The following SEMA6A variants were observed in gnomAD, a reference collection of about 807,000 sequenced individuals.
The protein encoded by SEMA6A is semaphorin-6A.
In SEMA6A, 25 loss-of-function variants were observed where a neutral mutation model predicts 96.8. That is an observed-to-expected ratio of 0.26 (90% CI 0.19 to 0.36). SEMA6A has a LOEUF of 0.36. SEMA6A is among the 10% of genes least tolerant of loss of function. SEMA6A has a pLI of 1.00. For synonymous variants in SEMA6A, 612 were observed against 518.0 expected (o/e 1.18, Z -2.46); for missense variants, 1,363 against 1,323.1 (o/e 1.03, Z -0.47).
chr5:116,515,888 A>T (rs1191580983), intron 1 of SEMA6A, among the ~76,000 whole-genome samples: 1 of 152,214 alleles, frequency 6.6e-6, no homozygotes, highest in Non-Finnish European at 1.5e-5. Context: ...GCTCTGAATA[A>T]CAGCCCCAAA....
chr5:116,520,196 G>T (rs1758867462), intron 1 of SEMA6A, among the ~76,000 whole-genome samples: 1 of 150,480 alleles, frequency 6.6e-6, no homozygotes, highest in Admixed American at 6.6e-5. Context: ...TTTCTTCCAA[G>T]ATCATAAAAT....
chr5:116,529,456 C>G (rs1759368527), intron 1 of SEMA6A, among the ~76,000 whole-genome samples: 2 of 152,224 alleles, frequency 1.3e-5, no homozygotes, highest in Non-Finnish European at 2.9e-5. Context: ...ATGCTAATTA[C>G]CCTGATTTGA....
At chr5:116,460,001 A>G (rs1227729642) in intron 18 of SEMA6A, among the ~76,000 whole-genome samples, 2 of 152,044 alleles carry the variant, frequency 1.3e-5, no homozygotes, top group Non-Finnish European at 2.9e-5. Context: ...TTAAACTATT[A>G]TTTTTTAGTG....
chr5:116,475,444 G>A, intron 16 of SEMA6A, 101 bp downstream of exon 16: 1 of 709,938 alleles, frequency 1.4e-6, no homozygotes, highest in East Asian at 2.9e-5. Flanking sequence ...GCATGCTTTA[G>A]TGTCAGCTGC....
chr5:116,484,928 C>A (rs1228949046), intron 10 of SEMA6A, among the ~76,000 whole-genome samples: 1 of 152,146 alleles, frequency 6.6e-6, no homozygotes, highest in Non-Finnish European at 1.5e-5. Context: ...TGGGGCCAGA[C>A]CCTGTGGGGG....
chr5:116,545,356 G>A (rs1199942936), intron 1 of SEMA6A, among the ~76,000 whole-genome samples: 1 of 152,026 alleles, frequency 6.6e-6, no homozygotes, highest in Non-Finnish European at 1.5e-5. Flanking sequence ...GATCACCTGA[G>A]GTCAGGAGTT....
At chr5:116,543,860 C>T (rs544843676) in intron 1 of SEMA6A, among the ~76,000 whole-genome samples, 4 of 152,342 alleles carry the variant, frequency 2.6e-5, no homozygotes, top group African/African-American at 4.8e-5. Flanking sequence ...AAAACTAGCA[C>T]GTTTTACTTT....
intron 1 of SEMA6A, among the ~76,000 whole-genome samples, chr5:116,523,426 G>T (rs888319428): frequency 1.3e-5 from 2 of 152,086 alleles, no homozygotes; most frequent in African/African-American, 2.4e-5. Flanking sequence ...CGATTCTCCT[G>T]CCTCAGCCTC....
At chr5:116,475,434 G>C in intron 16 of SEMA6A, 111 bp downstream of exon 16, 2 of 622,276 alleles carry the variant, frequency 3.2e-6, no homozygotes, top group Non-Finnish European at 5.5e-6. Context: ...CGTCATTTAC[G>C]CATGCTTTAG....
chr5:116,514,349 T>G (rs1362133205), intron 1 of SEMA6A, among the ~76,000 whole-genome samples: 1 of 152,170 alleles, frequency 6.6e-6, no homozygotes, highest in Non-Finnish European at 1.5e-5. Flanking sequence ...TGATTGTGGT[T>G]TTGATTTGCA....
intron 1 of SEMA6A, among the ~76,000 whole-genome samples, chr5:116,548,834 G>C (rs1052727487): frequency 1.5e-4 from 23 of 152,306 alleles, no homozygotes; most frequent in African/African-American, 5.1e-4. Context: ...TAAACGCTAT[G>C]CTTAAATGAA....
In SEMA6A at chr5:116,480,367, A is replaced by C. The variant is rs2112694526; in HGVS notation, c.1095-90T>G. 4 of 1,456,534 alleles carry C rather than the reference A, an allele frequency of 2.7e-6. No individual in the cohort carries two copies. In the East Asian group the frequency reaches 6.8e-5, roughly 25 times the overall value. 90.2% of individuals were successfully genotyped at this position (1,456,534 alleles called of 1,614,324 possible). On this transcript the variant is annotated intron_variant, in intron 11 of 18. Transcript: ENST00000343348. ...ATGAACTGCTTCTCTAAGCATCTGG[A>C]ATGGAGGAGAATGTACTGCAGCCTG...
At chr5:116,495,889 C>T (rs1757575849) in intron 5 of SEMA6A, 1 of 325,036 alleles carries the variant, frequency 3.1e-6, no homozygotes, top group Middle Eastern at 9.8e-4. Context: ...AGGCACAAAA[C>T]CCTGCATGTC....
At chr5:116,487,117 GAA>G (rs959176428) in intron 9 of SEMA6A, 151 bp from the exon 10 acceptor site, 1 of 609,536 alleles carries the variant, frequency 1.6e-6, no homozygotes, top group African/African-American at 1.9e-5. Context: ...AGAAAGAAAA[GAA>G]AAAAAGAGGA....
intron 1 of SEMA6A, among the ~76,000 whole-genome samples, chr5:116,510,624 C>T (rs1412445750): frequency 6.6e-6 from 1 of 151,994 alleles, no homozygotes; most frequent in Non-Finnish European, 1.5e-5. Context: ...TTCTTGGACT[C>T]CTTACAAAAT....
chr5:116,547,223 C>T (rs1348561653), intron 1 of SEMA6A, among the ~76,000 whole-genome samples: 3 of 152,162 alleles, frequency 2.0e-5, no homozygotes, highest in Non-Finnish European at 4.4e-5. Context: ...GACATGCATA[C>T]AAGTGTCCTG....
chr5:116,515,805 A>G (rs754166748), intron 1 of SEMA6A, among the ~76,000 whole-genome samples: 6 of 152,164 alleles, frequency 3.9e-5, no homozygotes, highest in Admixed American at 6.6e-5. Context: ...TTCTTTCCCC[A>G]GTTTTAGAGT....
chr5:116,452,585 A>C (rs1472846690), intron 18 of SEMA6A, among the ~76,000 whole-genome samples: 1 of 152,184 alleles, frequency 6.6e-6, no homozygotes, highest in Non-Finnish European at 1.5e-5. Context: ...TGTAAACTGA[A>C]AACTAAGAGG....
At chr5:116,532,552 C>A (rs548759880) in intron 1 of SEMA6A, among the ~76,000 whole-genome samples, 7 of 152,298 alleles carry the variant, frequency 4.6e-5, no homozygotes, top group Admixed American at 1.3e-4. Flanking sequence ...CCCTCCCCCC[C>A]AGTCCTGAAC....
Sources: allele counts gnomAD v4.1 joint callset (sites outside exome capture counted in the v4.1 genomes callset), GRCh38; gene constraint gnomAD v4.1.1; transcripts MANE v1.5; gene names NCBI Gene and HGNC (gene_info 2026-07-23, HGNC 2026-07-21).